Variants in PCSK6 observed in about 807,000 individuals in gnomAD.
PCSK6 encodes paired basic amino acid cleaving enzyme 4.
Under a neutral mutation model 123.3 loss-of-function variants are expected in PCSK6, and 85 were observed. That is an observed-to-expected ratio of 0.69 (90% CI 0.58 to 0.83). The LOEUF is 0.83. PCSK6 is among the 40% of genes least tolerant of loss of function. The probability of loss-of-function intolerance (pLI) is 0.00; values close to 1 mark genes in which losing one functional copy is unlikely to be tolerated. For missense variants in PCSK6, 1,191 were observed against 1,282.3 expected (o/e 0.93, Z 1.09); for synonymous variants, 508 against 516.0 (o/e 0.98, Z 0.21).
In PCSK6 at chr15:101,313,519, G is replaced by A. The variant is rs772488737; in HGVS notation, c.2570-14C>T. The A allele has an allele frequency of 1.7e-5, 27 of 1,586,314 alleles. No individual in the cohort carries two copies. Among genetic ancestry groups the A allele is most frequent in the Non-Finnish European group, 2.2e-5 (26 of 1,169,750 alleles). On this transcript the variant is annotated splice_polypyrimidine_tract_variant and intron_variant, in intron 19 of 21. Coordinates refer to ENST00000611716, the MANE Select transcript of PCSK6 (RefSeq NM_002570.5). ...CTCTGCCTGGCCCTGAGAGACACAG[G>A]AAAAGAAGCAGGTATCAGGGATGGC...
intron 19 of PCSK6, among the ~76,000 whole-genome samples, chr15:101,317,842 T>A (rs944803792): frequency 4.6e-5 from 7 of 152,134 alleles, no homozygotes; most frequent in African/African-American, 1.7e-4. Flanking sequence ...AACATGGTTT[T>A]AAAAAAAATT....
chr15:101,318,309 G>T lies in PCSK6; in HGVS notation c.2569+10C>A, dbSNP rs2040038945. 1 of 1,548,756 alleles carries T rather than the reference G, an allele frequency of 6.5e-7. No individual in the cohort carries two copies. The highest frequency in any genetic ancestry group is 8.7e-7 in the Non-Finnish European group (1 of 1,143,748). On this transcript the variant is annotated intron_variant, in intron 19 of 21. Transcript: ENST00000611716. ...CGCTGGCCCGAGGCCTCCGCAGGCG[G>T]TGAACTCACCCACGCAGGTTCCGCA...
At chr15:101,433,446 G>A (rs146188229) in intron 2 of PCSK6, among the ~76,000 whole-genome samples, 13 of 152,336 alleles carry the variant, frequency 8.5e-5, no homozygotes, top group African/African-American at 2.6e-4. Flanking sequence ...GCTCAAAGCT[G>A]GGGTTCAGCC....
chr15:101,349,797 C>A, intron 13 of PCSK6, among the ~76,000 whole-genome samples: 1 of 151,772 alleles, frequency 6.6e-6, no homozygotes. Context: ...CACTCTGTGG[C>A]CCCGAGTGCA....
rs529412020 is a variant in PCSK6 at position 101,434,283 on chromosome 15, C to T, written c.403-2183G>A. On this transcript the variant is annotated intron_variant, in intron 2 of 21. Transcript: ENST00000611716. ...TCCCGCCCTCCTGCCAGGCTGAGCC[C>T]TGTTTGTGCTAAGGGGCCCTGAACT... Among the ~76,000 whole-genome samples, 9 of 152,360 alleles carry T rather than the reference C, an allele frequency of 5.9e-5. No homozygotes were observed. The South Asian group carries it at 1.9e-3, about 32-fold the overall frequency.
intron 6 of PCSK6, among the ~76,000 whole-genome samples, chr15:101,413,762 A>C (rs1210290074): frequency 6.6e-6 from 1 of 152,230 alleles, no homozygotes; most frequent in East Asian, 1.9e-4. Flanking sequence ...TGACTTGATC[A>C]TTCTGCATTC....
At chr15:101,414,354 T>C (rs2055811495) in intron 6 of PCSK6, among the ~76,000 whole-genome samples, 1 of 152,068 alleles carries the variant, frequency 6.6e-6, no homozygotes, top group Non-Finnish European at 1.5e-5. Context: ...AAAAATCACA[T>C]ACAAAGATGT....
At chr15:101,407,981 T>A (rs1247758716) in intron 6 of PCSK6, among the ~76,000 whole-genome samples, 2 of 152,144 alleles carry the variant, frequency 1.3e-5, no homozygotes, top group African/African-American at 4.8e-5. Context: ...GTCTAGAGGT[T>A]TGACATCGAG....
intron 1 of PCSK6, among the ~76,000 whole-genome samples, chr15:101,469,145 G>GA (rs558991010): frequency 6.6e-6 from 1 of 151,942 alleles, no homozygotes; most frequent in Non-Finnish European, 1.5e-5. Flanking sequence ...ATTACAGGGA[G>GA]AAAAAACACT....
At chr15:101,487,949 T>A (rs373319409) in intron 1 of PCSK6, among the ~76,000 whole-genome samples, 5 of 151,884 alleles carry the variant, frequency 3.3e-5, no homozygotes, top group African/African-American at 7.2e-5. Context: ...ATGTAACATT[T>A]TATATATATA....
At chr15:101,408,883 G>A (rs1037404587) in intron 6 of PCSK6, among the ~76,000 whole-genome samples, 5 of 152,126 alleles carry the variant, frequency 3.3e-5, no homozygotes, top group East Asian at 1.9e-4. Context: ...TAACATTTTC[G>A]TGTTTATGAA....
chr15:101,467,854 G>A (rs9806495), intron 1 of PCSK6, among the ~76,000 whole-genome samples: 127,571 of 152,166 alleles, frequency 0.84, 54,006 homozygotes, highest in African/African-American at 0.92. Context: ...CCGGAGATAC[G>A]CAAGCCACGC....
intron 13 of PCSK6, among the ~76,000 whole-genome samples, chr15:101,342,880 C>T (rs1434834650): frequency 6.8e-6 from 1 of 147,496 alleles, no homozygotes; most frequent in Non-Finnish European, 1.5e-5. Context: ...CCAGCCTGGG[C>T]AACAGAGTGA....
chr15:101,401,441 C>A (rs1036459694), intron 6 of PCSK6, among the ~76,000 whole-genome samples: 1 of 152,212 alleles, frequency 6.6e-6, no homozygotes, highest in Non-Finnish European at 1.5e-5. Flanking sequence ...AGTGTCCAGG[C>A]ACTGAGATGG....
At chr15:101,482,026 C>A (rs1478237647) in intron 1 of PCSK6, among the ~76,000 whole-genome samples, 1 of 152,222 alleles carries the variant, frequency 6.6e-6, no homozygotes, top group Non-Finnish European at 1.5e-5. Flanking sequence ...ACCCGGTGGA[C>A]AGAGGGAGAA....
At chr15:101,345,052 T>A (rs747071804) in intron 13 of PCSK6, among the ~76,000 whole-genome samples, 4 of 152,180 alleles carry the variant, frequency 2.6e-5, no homozygotes, top group Non-Finnish European at 5.9e-5. Flanking sequence ...GTTTTGTGGG[T>A]TCTAGTTACA....
At chr15:101,460,154 C>T (rs1282710121) in intron 1 of PCSK6, among the ~76,000 whole-genome samples, 4 of 152,110 alleles carry the variant, frequency 2.6e-5, no homozygotes, top group African/African-American at 9.7e-5. Flanking sequence ...CCACGATGGC[C>T]TGGGCCTACC....
At chr15:101,403,295 T>G (rs1276580239) in intron 6 of PCSK6, among the ~76,000 whole-genome samples, 1 of 136,706 alleles carries the variant, frequency 7.3e-6, no homozygotes, top group Non-Finnish European at 1.6e-5. Context: ...GGGGGAGGGA[T>G]AGCATTAGGA....
chr15:101,434,802 G>A (rs549443246), intron 2 of PCSK6, among the ~76,000 whole-genome samples: 4 of 87,788 alleles, frequency 4.6e-5, no homozygotes, highest in Middle Eastern at 4.9e-3. Context: ...TGATTCTCCC[G>A]GCACTGTGTC....
Sources: gnomAD v4.1 joint callset for allele counts (sites outside exome capture counted in the v4.1 genomes callset) on GRCh38, gnomAD v4.1.1 for gene constraint, MANE v1.5 for transcripts, NCBI Gene and HGNC (gene_info 2026-07-23, HGNC 2026-07-21) for gene names.